Variants in NRG3 observed in about 807,000 individuals in gnomAD.
NRG3 encodes pro-neuregulin-3, membrane-bound isoform.
In NRG3, 31 loss-of-function variants were observed where a neutral mutation model predicts 66.9. The ratio of observed to expected loss-of-function variants is 0.46; its 90% CI spans 0.35 to 0.63. The LOEUF (loss-of-function observed/expected upper bound fraction) is 0.63. Among genes scored for constraint, NRG3 ranks in the 20% least tolerant of loss-of-function variants. The probability of loss-of-function intolerance (pLI) is 0.00; values close to 1 mark genes in which losing one functional copy is unlikely to be tolerated. For synonymous variants in NRG3, 393 were observed against 359.4 expected, an observed-to-expected ratio of 1.09 and a Z score of -1.06; for missense variants, 910 against 878.9, an observed-to-expected ratio of 1.04 and a Z score of -0.45.
intron 2 of NRG3, among the ~76,000 whole-genome samples, chr10:82,451,645 G>T (rs111902145): frequency 6.6e-6 from 1 of 152,048 alleles, no homozygotes; most frequent in African/African-American, 2.4e-5. Context: ...CAATAACAGC[G>T]ACTGAAAAAT....
intron 3 of NRG3, among the ~76,000 whole-genome samples, chr10:82,747,985 C>T (rs1343771664): frequency 6.6e-6 from 1 of 151,326 alleles, no homozygotes; most frequent in Non-Finnish European, 1.5e-5. Context: ...TTTAAAAACA[C>T]ATTTAATTTT....
chr10:82,592,327 A>G (rs368899571), intron 2 of NRG3, among the ~76,000 whole-genome samples: 6 of 152,314 alleles, frequency 3.9e-5, no homozygotes, highest in African/African-American at 1.4e-4. Flanking sequence ...AATCGGCTAA[A>G]AGAAGAGAAT....
At chr10:81,895,787 G>A (rs750514729) in intron 1 of NRG3, among the ~76,000 whole-genome samples, 9 of 151,988 alleles carry the variant, frequency 5.9e-5, no homozygotes, top group East Asian at 1.9e-4. Context: ...GTCCTCATTC[G>A]CAAAAAGTGA....
intron 2 of NRG3, among the ~76,000 whole-genome samples, chr10:82,673,344 G>C (rs1033188336): frequency 2.6e-5 from 4 of 152,164 alleles, no homozygotes; most frequent in African/African-American, 9.7e-5. Context: ...GTAAATAGTA[G>C]AGGTCTTTAT....
At chr10:82,028,646 C>CTG (rs2062425131) in intron 1 of NRG3, among the ~76,000 whole-genome samples, 1 of 152,100 alleles carries the variant, frequency 6.6e-6, no homozygotes, top group Admixed American at 6.6e-5. Flanking sequence ...GCCCTCAGAT[C>CTG]AGCACACATC....
At chr10:82,339,192 T>G (rs978710147) in intron 1 of NRG3, among the ~76,000 whole-genome samples, 1 of 152,224 alleles carries the variant, frequency 6.6e-6, no homozygotes, top group South Asian at 2.1e-4. Flanking sequence ...GTTGCCTGTT[T>G]TAAACAAATG....
At chr10:82,067,259 A>T (rs1475492992) in intron 1 of NRG3, among the ~76,000 whole-genome samples, 1 of 152,216 alleles carries the variant, frequency 6.6e-6, no homozygotes, top group Non-Finnish European at 1.5e-5. Context: ...AAAAACAAGC[A>T]TTAGGACTGA....
At chr10:81,949,050 G>A (rs1326096713) in intron 1 of NRG3, among the ~76,000 whole-genome samples, 2 of 152,090 alleles carry the variant, frequency 1.3e-5, no homozygotes, top group Non-Finnish European at 2.9e-5. Flanking sequence ...TACACATAGG[G>A]TATTGTCAAC....
intron 1 of NRG3, among the ~76,000 whole-genome samples, chr10:82,310,870 A>G (rs1377917165): frequency 6.6e-6 from 1 of 152,176 alleles, no homozygotes; most frequent in African/African-American, 2.4e-5. Flanking sequence ...ATGTAGGTAA[A>G]AGGAATACAT....
intron 2 of NRG3, among the ~76,000 whole-genome samples, chr10:82,569,690 A>C (rs188007996): frequency 7.7e-4 from 117 of 151,758 alleles, no homozygotes; most frequent in African/African-American, 2.7e-3. Flanking sequence ...CAGTACAGCT[A>C]ACCTTTCTCT....
intron 1 of NRG3, among the ~76,000 whole-genome samples, chr10:81,990,705 T>C (rs1050532436): frequency 3.9e-5 from 6 of 152,142 alleles, no homozygotes; most frequent in Admixed American, 1.3e-4. Flanking sequence ...AAGAGACTTA[T>C]AGCAGCCATA....
chr10:82,354,661 T>C (rs2083664694), intron 1 of NRG3, among the ~76,000 whole-genome samples: 1 of 152,140 alleles, frequency 6.6e-6, no homozygotes, highest in South Asian at 2.1e-4. Flanking sequence ...CAAATTGCTA[T>C]GATTATGGAT....
At chr10:82,955,736 C>T (rs930183061) in intron 5 of NRG3, among the ~76,000 whole-genome samples, 5 of 151,882 alleles carry the variant, frequency 3.3e-5, no homozygotes, top group African/African-American at 1.2e-4. Context: ...CCAAAAAAAG[C>T]CTCTTAATGG....
intron 1 of NRG3, among the ~76,000 whole-genome samples, chr10:82,061,134 C>T (rs1374506541): frequency 6.6e-6 from 1 of 152,012 alleles, no homozygotes; most frequent in African/African-American, 2.4e-5. Context: ...GGGTGGATCA[C>T]GAGGTCAGGA....
chr10:82,143,284 A>T (rs764805559), intron 1 of NRG3, among the ~76,000 whole-genome samples: 1 of 152,136 alleles, frequency 6.6e-6, no homozygotes, highest in Non-Finnish European at 1.5e-5. Flanking sequence ...TAAGTTGAGG[A>T]TAATAAGATG....
chr10:82,287,454 C>G (rs1351452915), intron 1 of NRG3, among the ~76,000 whole-genome samples: 2 of 151,906 alleles, frequency 1.3e-5, no homozygotes, highest in Non-Finnish European at 2.9e-5. Context: ...TACCCAGTCT[C>G]AGATATTTCT....
intron 1 of NRG3, among the ~76,000 whole-genome samples, chr10:82,310,108 C>T (rs557854241): frequency 6.6e-6 from 1 of 152,256 alleles, no homozygotes; most frequent in Admixed American, 6.5e-5. Context: ...TCTCTCCCTC[C>T]CATCCATCCT....
At chr10:82,960,070 A>G (rs1009702832) in intron 6 of NRG3, among the ~76,000 whole-genome samples, 1 of 152,180 alleles carries the variant, frequency 6.6e-6, no homozygotes, top group African/African-American at 2.4e-5. Context: ...TGCTTCAATC[A>G]CTGGAAATTT....
intron 2 of NRG3, among the ~76,000 whole-genome samples, chr10:82,701,959 A>G (rs1236924058): frequency 6.6e-6 from 1 of 152,166 alleles, no homozygotes. Flanking sequence ...AAAATTAATG[A>G]TGGAGTTAGT....
Sources: allele counts gnomAD v4.1 joint callset (sites outside exome capture counted in the v4.1 genomes callset), GRCh38; gene constraint gnomAD v4.1.1; transcripts MANE v1.5; gene names NCBI Gene and HGNC (gene_info 2026-07-23, HGNC 2026-07-21).